Variants in SLC19A1 observed in about 807,000 individuals in gnomAD.
SLC19A1 encodes the protein reduced folate transporter.
A neutral mutation model predicts 35.3 loss-of-function variants in SLC19A1; 37 were observed. The observed-to-expected ratio is 1.05, with a 90% confidence interval of 0.81 to 1.38. SLC19A1 has a LOEUF of 1.38. SLC19A1 is among the 40% of genes most tolerant of loss of function. The probability of loss-of-function intolerance (pLI) is 0.00; values close to 1 mark genes in which losing one functional copy is unlikely to be tolerated. For synonymous variants in SLC19A1, 460 were observed against 398.5 expected (o/e 1.15, Z -1.84); for missense variants, 831 against 826.9 (o/e 1.00, Z -0.06).
chr21:45,503,899 G>A (rs554548104), intron 3 of SLC19A1: 14 of 1,097,036 alleles, frequency 1.3e-5, no homozygotes, highest in South Asian at 5.0e-5. Flanking sequence ...GATCTCTACC[G>A]CGAAATGGCT....
chr21:45,527,077 T>C (rs1027757272), intron 4 of SLC19A1, among the ~76,000 whole-genome samples: 2 of 152,274 alleles, frequency 1.3e-5, no homozygotes, highest in African/African-American at 4.8e-5. Flanking sequence ...CGGTTAAATG[T>C]TTGATAAATT....
In SLC19A1 at chr21:45,514,738, T is replaced by G. The variant is rs999000776; in HGVS notation, c.*920A>C. On this transcript the variant is annotated 3_prime_UTR_variant, in exon 6 of 6. Coordinates refer to ENST00000311124, the MANE Select transcript of SLC19A1 (RefSeq NM_194255.4). ...CACTCACTTAAGTGTGTTTAATGTA[T>G]GTGGGAAGAGTATTCACATCACATC... 2.2e-6 allele frequency: 1 copy of G among 452,252 alleles called. No homozygotes were observed. The highest frequency in any genetic ancestry group is 4.4e-5 in the Admixed American group (1 of 22,516). 28.0% of individuals were successfully genotyped at this position (452,252 alleles called of 1,614,324 possible).
chr21:45,530,377 TGTGTGAGC>T lies in SLC19A1; in HGVS notation c.1151+385_1151+392del, dbSNP rs2077828488. ...GTGTTCATGAGTGTGTGTGTGTCCATGTGTGAGCGTGTGGTGTGTGTGTGGTGTGAGTG... is the reference window on the plus strand; with the variant it reads ...GTGTTCATGAGTGTGTGTGTGTCCATGTGTGGTGTGTGTGTGGTGTGAGTG... On this transcript the variant is annotated intron_variant, in intron 4 of 5. Coordinates refer to ENST00000311124, the MANE Select transcript of SLC19A1 (RefSeq NM_194255.4). This position sits in a 1 kb window ranked among gnomAD's most constrained non-coding sequence, Gnocchi z 5.3. Among the ~76,000 whole-genome samples, 2 of 151,718 alleles carry T rather than the reference TGTGTGAGC, an allele frequency of 1.3e-5. No individual in the cohort carries two copies. The highest frequency in any genetic ancestry group is 4.2e-4 in the South Asian group (2 of 4,808).
At chr21:45,531,347 A>G in intron 3 of SLC19A1, 42 bp downstream of exon 3, 1 of 1,537,948 alleles carries the variant, frequency 6.5e-7, no homozygotes, top group Non-Finnish European at 8.8e-7. Flanking sequence ...GTGGACGGGA[A>G]GCCTCTGCGG....
chr21:45,520,296 A>G (rs558796048), intron 5 of SLC19A1, among the ~76,000 whole-genome samples: 268 of 152,246 alleles, frequency 1.8e-3, no homozygotes, highest in African/African-American at 6.1e-3. Flanking sequence ...ATAAATCTAA[A>G]GCAAGCAGAA....
At chr21:45,535,193 G>A (rs767137839) in intron 2 of SLC19A1, among the ~76,000 whole-genome samples, 2 of 152,208 alleles carry the variant, frequency 1.3e-5, no homozygotes, top group Non-Finnish European at 2.9e-5. Flanking sequence ...GGAGGAGGGC[G>A]GGGGCTGCAG....
intron 5 of SLC19A1, among the ~76,000 whole-genome samples, chr21:45,522,798 G>A (rs1185144395): frequency 1.3e-5 from 2 of 152,156 alleles, no homozygotes; most frequent in Admixed American, 1.3e-4. Context: ...TACAAGCGGA[G>A]AAGAGGGTAG....
chr21:45,502,612 C>T (rs572945601), intron 3 of SLC19A1: 2 of 152,320 alleles, frequency 1.3e-5, no homozygotes, highest in African/African-American at 4.8e-5. Flanking sequence ...GAACAACATT[C>T]CTGCACCTCT....
Position 45,514,244 on chromosome 21 carries a change from A to G in SLC19A1, c.*1414T>C, listed in dbSNP as rs2037768790. On this transcript the variant is annotated 3_prime_UTR_variant, in exon 6 of 6. Coordinates refer to ENST00000311124, the MANE Select transcript of SLC19A1 (RefSeq NM_194255.4). The stretch of plus-strand genomic sequence containing the variant: ...CCTGCTAGATCTACGAGCCCAGGAA[A>G]TGGCTGGTGCAGACCCCCCCCCAAG... The G allele has an allele frequency of 7.1e-6, 1 of 141,748 alleles. No homozygotes were observed. The highest frequency in any genetic ancestry group is 1.5e-5 in the Non-Finnish European group (1 of 65,974). The allele number at this position is 141,748 out of a possible 1,614,324, so 8.8% of individuals were successfully genotyped here.
rs1569003216 is a variant in SLC19A1, at chr21:45,531,920, TGTA to T, written c.415_417del (p.Tyr139del). 11 of 1,597,740 alleles carry T rather than the reference TGTA, an allele frequency of 6.9e-6. No individual in the cohort carries two copies. Among genetic ancestry groups the T allele is most frequent in the Non-Finnish European group, 9.4e-6 (11 of 1,172,868 alleles). On this transcript the variant is annotated inframe_deletion, in exon 3 of 6. Coordinates refer to ENST00000311124, the MANE Select transcript of SLC19A1 (RefSeq NM_194255.4). ...CGCGCGGGCCGCACGAGAGAGAAGA[TGTA>T]GGAGGAATAGGCGATGCGCGCGGCC... is the stretch of plus-strand genomic sequence containing the variant.
chr21:45,555,449 G>T (rs1347659239), intron 1 of SLC19A1, among the ~76,000 whole-genome samples: 2 of 113,280 alleles, frequency 1.8e-5, no homozygotes, highest in Non-Finnish European at 3.7e-5. Flanking sequence ...GGGCGGGAGG[G>T]GGATGGGGGA....
Position 45,557,813 on chromosome 21 carries a change from G to A in SLC19A1, c.-50+4929C>T, listed in dbSNP as rs190095660. Among the ~76,000 whole-genome samples the A allele has an allele frequency of 1.4e-3, 206 of 152,306 alleles. 1 individual carries two copies. The highest frequency in any genetic ancestry group is 3.2e-3 in the African/African-American group (132 of 41,578). ...CCTCTGCTCAACTAACAGCACAGAC[G>A]CAGCCCAGACAGTTGCGGAGGGGAA... On this transcript the variant is annotated intron_variant, in intron 1 of 5. Coordinates refer to the SLC19A1 transcript ENST00000650808.
chr21:45,534,713 C>T lies in SLC19A1; in HGVS notation c.190-2565G>A. 1.1e-6 allele frequency: 1 copy of T among 875,250 alleles called. No individual in the cohort carries two copies. The allele number at this position is 875,250 out of a possible 1,614,324, so 54.2% of individuals were successfully genotyped here. ...CTGCACCTCCTCAACGGCCCCTACT[C>T]CCTCTTCCTCAGCCTTGGCAGGCAG... On this transcript the variant is annotated intron_variant, in intron 2 of 5. Coordinates refer to ENST00000311124, the MANE Select transcript of SLC19A1 (RefSeq NM_194255.4). This position sits in a 1 kb window ranked among gnomAD's most constrained non-coding sequence, Gnocchi z 4.2.
intron 3 of SLC19A1, chr21:45,503,931 A>G: frequency 6.5e-7 from 1 of 1,529,348 alleles, no homozygotes; most frequent in Non-Finnish European, 9.1e-7. Flanking sequence ...AGGCAAACCC[A>G]CCAGTGCTGG....
At position 45,558,663 on chromosome 21, in the gene SLC19A1, T is replaced by C. The variant is rs185716631; in HGVS notation, c.-50+4079A>G. On this transcript the variant is annotated intron_variant, in intron 1 of 5. Coordinates refer to the SLC19A1 transcript ENST00000650808. ...GAGCTGCTACAGGAAGCCCTGCGGC[T>C]GGGAATCTGAGGGAGTCGGGGCAGC... is the stretch of plus-strand genomic sequence containing the variant. 4.0e-3 allele frequency among the ~76,000 whole-genome samples: 603 copies of C among 152,218 alleles called. 4 individuals are homozygous for C. Among genetic ancestry groups the C allele is most frequent in the African/African-American group, 0.014 (564 of 41,538 alleles).
intron 1 of SLC19A1, among the ~76,000 whole-genome samples, chr21:45,539,387 C>T (rs2078234496): frequency 1.3e-5 from 2 of 152,208 alleles, no homozygotes; most frequent in Non-Finnish European, 1.5e-5. Context: ...CCCATCTGCA[C>T]TGGGCTGACA....
At chr21:45,509,400 C>CGACAGCAACCCCTA, downstream of SLC19A1, 1 of 1,542,764 alleles carries the variant, frequency 6.5e-7, no homozygotes, top group Non-Finnish European at 8.7e-7. Context: ...TGCAGCTGCA[C>CGACAGCAACCCCTA]GACAGCAACC....
chr21:45,524,783 G>T (rs2077549061), intron 5 of SLC19A1, among the ~76,000 whole-genome samples: 2 of 125,820 alleles, frequency 1.6e-5, no homozygotes, highest in South Asian at 6.0e-4. Context: ...ATCACCCTGA[G>T]TGTTCACGCC....
At chr21:45,551,756 A>G (rs1415446357) in intron 1 of SLC19A1, among the ~76,000 whole-genome samples, 1 of 152,212 alleles carries the variant, frequency 6.6e-6, no homozygotes, top group East Asian at 1.9e-4. Flanking sequence ...CTCTATGCAC[A>G]TCGTGTTTTA....
Sources: allele counts gnomAD v4.1 joint callset (sites outside exome capture counted in the v4.1 genomes callset), GRCh38; gene constraint gnomAD v4.1.1; non-coding constraint Gnocchi (gnomAD v3.1); transcripts MANE v1.5; gene names NCBI Gene and HGNC (gene_info 2026-07-23, HGNC 2026-07-21).